The following RNF150 variants were observed in gnomAD, a reference collection of about 807,000 sequenced individuals.
The protein encoded by RNF150 is ring finger protein 150.
Under a neutral mutation model 39.3 loss-of-function variants are expected in RNF150, and 24 were observed. The observed-to-expected ratio is 0.61, with a 90% CI of 0.44 to 0.86. RNF150 has a LOEUF of 0.86. Among genes scored for constraint, RNF150 ranks in the 40% least tolerant of loss-of-function variants. RNF150 has a pLI of 0.00. For synonymous variants in RNF150, 255 were observed against 227.3 expected, an observed-to-expected ratio of 1.12 and a Z score of -1.10; for missense variants, 502 against 587.8, an observed-to-expected ratio of 0.85 and a Z score of 1.51.
intron 1 of RNF150, among the ~76,000 whole-genome samples, chr4:141,034,313 C>G (rs890973535): frequency 2.0e-5 from 3 of 152,142 alleles, no homozygotes; most frequent in Admixed American, 6.6e-5. Flanking sequence ...CCTCTCTCAG[C>G]CTTCCTACCA....
At chr4:140,983,064 T>C (rs1406020330) in intron 1 of RNF150, among the ~76,000 whole-genome samples, 1 of 152,140 alleles carries the variant, frequency 6.6e-6, no homozygotes, top group African/African-American at 2.4e-5. Flanking sequence ...TTTCTTAAGT[T>C]TCTGCAATCA....
In RNF150 at chr4:141,103,594, G is replaced by A. The variant is rs114449631; in HGVS notation, c.484+28731C>T. ...TAGTTTTTAAATCCATCATGACCTC[G>A]CACACACGCATGTCAGCATGTGTGA... On this transcript the variant is annotated intron_variant, in intron 1 of 6. Coordinates refer to ENST00000515673, the MANE Select transcript of RNF150 (RefSeq NM_020724.2). Among the ~76,000 whole-genome samples, 865 of 152,140 alleles carry A rather than the reference G, an allele frequency of 5.7e-3. 9 individuals are homozygous for A. The highest frequency in any genetic ancestry group is 0.018 in the African/African-American group (752 of 41,506).
chr4:140,899,944 T>TTCTC (rs60297205), intron 6 of RNF150, among the ~76,000 whole-genome samples: 4,167 of 109,958 alleles, frequency 0.038, 135 homozygotes, highest in Middle Eastern at 0.093. Flanking sequence ...CTCTCTCACT[T>TTCTC]TCTCTCTCTC....
chr4:140,872,971 T>C (rs2111187559), intron 6 of RNF150, among the ~76,000 whole-genome samples: 1 of 152,256 alleles, frequency 6.6e-6, no homozygotes, highest in African/African-American at 2.4e-5. Context: ...GTTTTTGTTT[T>C]TGTTTTAATA....
chr4:140,920,020 G>T (rs548772062), intron 5 of RNF150, among the ~76,000 whole-genome samples: 55 of 151,888 alleles, frequency 3.6e-4, no homozygotes, highest in Non-Finnish European at 6.3e-4. Context: ...TCCTTACGTC[G>T]TATACAAAAA....
At chr4:141,056,184 T>A (rs1452794873) in intron 1 of RNF150, among the ~76,000 whole-genome samples, 1 of 152,198 alleles carries the variant, frequency 6.6e-6, no homozygotes, top group Non-Finnish European at 1.5e-5. Flanking sequence ...AACCAAATTT[T>A]AAGAAACTGT....
At chr4:140,978,274 C>T (rs1224151243) in intron 1 of RNF150, among the ~76,000 whole-genome samples, 1 of 152,110 alleles carries the variant, frequency 6.6e-6, no homozygotes, top group Admixed American at 6.6e-5. Context: ...TCCTGAAGTG[C>T]ATTGTAATTT....
At chr4:140,942,484 CT>C (rs747892002) in intron 4 of RNF150, among the ~76,000 whole-genome samples, 1 of 152,234 alleles carries the variant, frequency 6.6e-6, no homozygotes, top group Non-Finnish European at 1.5e-5. Flanking sequence ...CCACCTCCCC[CT>C]GTTCCCAAAT....
rs370721696 is a variant in RNF150 at position 140,967,611 on chromosome 4, T to C, written c.735+12A>G. 6.3e-7 allele frequency: 1 copy of C among 1,575,304 alleles called. No individual in the cohort carries two copies. Among genetic ancestry groups the C allele is most frequent in the Non-Finnish European group, 8.6e-7 (1 of 1,158,704 alleles). ...ACAATTTTTAAAAGTTTTTTAACTTTTTGCTACTCACCTGGTTCCTATCCC... is the reference window on the plus strand; with the variant it reads ...ACAATTTTTAAAAGTTTTTTAACTTCTTGCTACTCACCTGGTTCCTATCCC... On this transcript the variant is annotated intron_variant, in intron 2 of 6. Coordinates refer to ENST00000515673, the MANE Select transcript of RNF150 (RefSeq NM_020724.2).
intron 1 of RNF150, among the ~76,000 whole-genome samples, chr4:141,000,483 G>A (rs1011296399): frequency 4.6e-5 from 7 of 152,228 alleles, no homozygotes; most frequent in Admixed American, 1.3e-4. Flanking sequence ...AGATATACTA[G>A]TTTACCAACA....
intron 4 of RNF150, among the ~76,000 whole-genome samples, chr4:140,937,520 C>G (rs1296768982): frequency 6.6e-6 from 1 of 152,144 alleles, no homozygotes; most frequent in East Asian, 1.9e-4. Context: ...CTTGGCCTCC[C>G]AAAGTGCTGG....
intron 1 of RNF150, among the ~76,000 whole-genome samples, chr4:141,107,167 A>G (rs1253287308): frequency 6.6e-6 from 1 of 152,224 alleles, no homozygotes; most frequent in Non-Finnish European, 1.5e-5. Context: ...ATTAGTTAGC[A>G]TGCAGAATCA....
Position 141,064,743 on chromosome 4 carries a change from G to A in RNF150, c.484+67582C>T, listed in dbSNP as rs553780662. 4.6e-5 allele frequency among the ~76,000 whole-genome samples: 7 copies of A among 152,292 alleles called. No individual in the cohort carries two copies. In the South Asian group the frequency reaches 1.5e-3, roughly 32 times the overall value. On this transcript the variant is annotated intron_variant, in intron 1 of 6. Coordinates refer to ENST00000515673, the MANE Select transcript of RNF150 (RefSeq NM_020724.2). ...ATGGGCAGAAAAGGGAGGGGAGTAG[G>A]TATCACTGAAGGGAGAGGTAGTACC...
chr4:141,188,250 C>A (rs952874872), intron 1 of RNF150, among the ~76,000 whole-genome samples: 1 of 152,142 alleles, frequency 6.6e-6, no homozygotes, highest in Non-Finnish European at 1.5e-5. Flanking sequence ...TTGTGGGTAA[C>A]CCGACCTTTC....
At chr4:141,114,441 A>C (rs2111069444) in intron 1 of RNF150, among the ~76,000 whole-genome samples, 1 of 152,302 alleles carries the variant, frequency 6.6e-6, no homozygotes, top group East Asian at 1.9e-4. Flanking sequence ...CACCCTCCCA[A>C]GACTAAATCA....
At chr4:141,123,879 A>T (rs10032709) in intron 1 of RNF150, among the ~76,000 whole-genome samples, 87,963 of 152,048 alleles carry the variant, frequency 0.58, 26,598 homozygotes, top group East Asian at 0.75. Flanking sequence ...AAGGACAAGA[A>T]CTCATCCTTT....
At chr4:141,177,054 G>GAA (rs5862514) in intron 1 of RNF150, among the ~76,000 whole-genome samples, 1,796 of 111,584 alleles carry the variant, frequency 0.016, 28 homozygotes, top group African/African-American at 0.02. Flanking sequence ...TGTCTCCTAG[G>GAA]AAAAAAAAAA....
At chr4:140,887,083 T>G (rs1172392091) in intron 6 of RNF150, among the ~76,000 whole-genome samples, 1 of 152,202 alleles carries the variant, frequency 6.6e-6, no homozygotes, top group East Asian at 1.9e-4. Context: ...TCCTGACTGG[T>G]GTAACTCAAT....
chr4:140,955,973 C>T (rs1260722844), intron 2 of RNF150, among the ~76,000 whole-genome samples: 1 of 152,158 alleles, frequency 6.6e-6, no homozygotes, highest in Non-Finnish European at 1.5e-5. Context: ...GAAAACTTTA[C>T]TGAATGTCAT....
Sources: gnomAD v4.1 joint callset for allele counts (sites outside exome capture counted in the v4.1 genomes callset) on GRCh38, gnomAD v4.1.1 for gene constraint, MANE v1.5 for transcripts, NCBI Gene and HGNC (gene_info 2026-07-23, HGNC 2026-07-21) for gene names.